The following PIK3CB variants were observed in gnomAD, a reference collection of about 807,000 sequenced individuals.
The protein encoded by PIK3CB is phosphatidylinositol 4,5-bisphosphate 3-kinase catalytic subunit beta isoform.
A neutral mutation model predicts 136.8 loss-of-function variants in PIK3CB; 39 were observed. That is an observed-to-expected ratio of 0.29 (90% confidence interval 0.22 to 0.37). PIK3CB has a LOEUF of 0.37. Ranked by LOEUF, PIK3CB falls within the 10% of genes least tolerant of loss-of-function variation. PIK3CB has a pLI of 1.00. For missense variants in PIK3CB, 868 were observed against 1,275.4 expected, an observed-to-expected ratio of 0.68 and a Z score of 4.87; for synonymous variants, 428 against 436.6, an observed-to-expected ratio of 0.98 and a Z score of 0.25.
intron 10 of PIK3CB, chr3:138,707,503 G>T: frequency 7.6e-7 from 1 of 1,313,690 alleles, no homozygotes; most frequent in Non-Finnish European, 9.7e-7. Flanking sequence ...AAATGAGAAA[G>T]TTAACAAAAC....
At chr3:138,769,364 A>T (rs2045772659) in intron 2 of PIK3CB, among the ~76,000 whole-genome samples, 1 of 152,210 alleles carries the variant, frequency 6.6e-6, no homozygotes, top group Admixed American at 6.5e-5. Context: ...ATATTTGGCT[A>T]TGTTGTTTTT....
At chr3:138,659,206 GT>G (rs1008358652) in intron 21 of PIK3CB, among the ~76,000 whole-genome samples, 1 of 152,130 alleles carries the variant, frequency 6.6e-6, no homozygotes, top group Non-Finnish European at 1.5e-5. Flanking sequence ...ATTAACAAAT[GT>G]CCCCTGAGTG....
chr3:138,679,031 A>C (rs1361974042), intron 19 of PIK3CB, among the ~76,000 whole-genome samples: 1 of 152,104 alleles, frequency 6.6e-6, no homozygotes, highest in Admixed American at 6.6e-5. Context: ...CTGCCACTAC[A>C]CTCCAGCCTG....
intron 4 of PIK3CB, among the ~76,000 whole-genome samples, chr3:138,753,944 AT>A (rs1384986699): frequency 2.0e-5 from 3 of 152,242 alleles, no homozygotes; most frequent in Non-Finnish European, 4.4e-5. Context: ...AAAGCTAAGT[AT>A]TTTAATCCAC....
chr3:138,677,036 C>A (rs1481418362), intron 19 of PIK3CB, among the ~76,000 whole-genome samples: 2 of 151,634 alleles, frequency 1.3e-5, no homozygotes, highest in Non-Finnish European at 2.9e-5. Context: ...AAACTCCATA[C>A]CCAGCTAAAC....
chr3:138,806,808 A>G (rs558549636), intron 1 of PIK3CB, among the ~76,000 whole-genome samples: 101 of 152,354 alleles, frequency 6.6e-4, no homozygotes, highest in Non-Finnish European at 1.2e-3. Flanking sequence ...GATACTGTAC[A>G]CAGCTGGACG....
At chr3:138,714,756 G>A (rs2108584798) in intron 8 of PIK3CB, 37 bp from the exon 9 acceptor site, 1 of 1,540,186 alleles carries the variant, frequency 6.5e-7, no homozygotes. Flanking sequence ...ACAAAGTCAT[G>A]AATACTGTAC....
At chr3:138,815,162 A>ATAT (rs374349884) in intron 1 of PIK3CB, among the ~76,000 whole-genome samples, 936 of 62,026 alleles carry the variant, frequency 0.015, 4 homozygotes, top group Non-Finnish European at 0.023. Context: ...AAAAAAAAAA[A>ATAT]ATATATATAT....
chr3:138,696,253 C>T (rs361079), intron 13 of PIK3CB, among the ~76,000 whole-genome samples: 17 of 150,210 alleles, frequency 1.1e-4, no homozygotes. Flanking sequence ...CACTATCGTA[C>T]CTCACTGCAG....
intron 19 of PIK3CB, among the ~76,000 whole-genome samples, chr3:138,680,983 C>T (rs888319179): frequency 3.3e-5 from 5 of 151,510 alleles, no homozygotes; most frequent in Non-Finnish European, 5.9e-5. Flanking sequence ...CCACCATGCA[C>T]GGCCCAATTG....
intron 2 of PIK3CB, among the ~76,000 whole-genome samples, chr3:138,785,671 A>G (rs1303913669): frequency 2.0e-5 from 3 of 152,136 alleles, no homozygotes; most frequent in Non-Finnish European, 4.4e-5. Context: ...CCAGGGACGC[A>G]AACGCTGCGG....
chr3:138,717,301 T>C (rs1216075338), intron 8 of PIK3CB, among the ~76,000 whole-genome samples: 2 of 151,832 alleles, frequency 1.3e-5, no homozygotes, highest in East Asian at 1.9e-4. Context: ...AGCTGGAATA[T>C]TGGTGATTGT....
At chr3:138,758,569 C>G (rs1404106751) in intron 3 of PIK3CB, among the ~76,000 whole-genome samples, 2 of 152,120 alleles carry the variant, frequency 1.3e-5, no homozygotes, top group South Asian at 2.1e-4. Context: ...ATTCCAGTTT[C>G]TCTAATGAAG....
chr3:138,728,919 G>A (rs2044904729), intron 8 of PIK3CB, among the ~76,000 whole-genome samples: 1 of 152,028 alleles, frequency 6.6e-6, no homozygotes, highest in South Asian at 2.1e-4. Context: ...GGGCATCTAT[G>A]AAAAAAACTA....
chr3:138,774,168 A>G lies in PIK3CB; in HGVS notation c.-16-14809T>C, dbSNP rs1199385163. Among the ~76,000 whole-genome samples the G allele has an allele frequency of 2.0e-5, 3 of 152,252 alleles. No individual in the cohort carries two copies. In the East Asian group the frequency reaches 5.8e-4, roughly 29 times the overall value. On this transcript the variant is annotated intron_variant, in intron 2 of 23. Coordinates refer to ENST00000674063, the MANE Select transcript of PIK3CB (RefSeq NM_006219.3). ...TGTACAGTTCAATGAATTTTTGGAA[A>G]GCAAATACCTATTGCAAAGCAAACC...
At chr3:138,734,826 AG>A in intron 6 of PIK3CB, 22 bp from the exon 7 acceptor site, 1 of 1,552,190 alleles carries the variant, frequency 6.4e-7, no homozygotes, top group Non-Finnish European at 8.7e-7. Context: ...AGAAAGGGGA[AG>A]GTATTGATTT....
intron 2 of PIK3CB, among the ~76,000 whole-genome samples, chr3:138,779,287 C>T (rs760252403): frequency 6.6e-6 from 1 of 151,398 alleles, no homozygotes; most frequent in Admixed American, 6.6e-5. Context: ...AGGGTTTCAC[C>T]GTGTTAGCCA....
chr3:138,828,954 A>ATTTTTTTTTTTTTTTTTTT (rs34176247), intron 1 of PIK3CB, among the ~76,000 whole-genome samples: 1 of 130,848 alleles, frequency 7.6e-6, no homozygotes, highest in Non-Finnish European at 1.6e-5. Context: ...CACCAGGCTA[A>ATTTTTTTTTTTTTTTTTTT]TTTTTTTTTT....
Position 138,704,646 on chromosome 3 carries a change from CA to C in PIK3CB, c.1531-154del, listed in dbSNP as rs571869132. 6.5e-3 allele frequency among the ~76,000 whole-genome samples: 997 copies of C among 152,226 alleles called. 8 individuals carry two copies. Among genetic ancestry groups the C allele is most frequent in the Middle Eastern group, 0.027 (8 of 294 alleles). On this transcript the variant is annotated intron_variant, in intron 11 of 23. Coordinates refer to ENST00000674063, the MANE Select transcript of PIK3CB (RefSeq NM_006219.3). ...ATTTTAAAAGCAAAATGATGCTTCT[CA>C]AGTGCTTTAAACTCTTGACAACAGG...
Sources: allele counts gnomAD v4.1 joint callset (sites outside exome capture counted in the v4.1 genomes callset), GRCh38; gene constraint gnomAD v4.1.1; transcripts MANE v1.5; gene names NCBI Gene and HGNC (gene_info 2026-07-23, HGNC 2026-07-21).